SLC12A1: variants seen among roughly 807,000 people sequenced by gnomAD.
SLC12A1 encodes the protein solute carrier family 12 member 1, also known as Na-K-2Cl cotransporter.
In SLC12A1, 89 loss-of-function variants were observed where a neutral mutation model predicts 130.4. The ratio of observed to expected loss-of-function variants is 0.68; its 90% CI spans 0.58 to 0.81. The LOEUF (loss-of-function observed/expected upper bound fraction) is 0.81, where lower values mean the gene tolerates loss of function less well. Among genes scored for constraint, SLC12A1 ranks in the 40% least tolerant of loss-of-function variants. The pLI is 0.00. For synonymous variants in SLC12A1, 499 were observed against 460.0 expected (o/e 1.08, Z -1.09); for missense variants, 1,310 against 1,336.4 (o/e 0.98, Z 0.31).
intron 20 of SLC12A1, among the ~76,000 whole-genome samples, chr15:48,281,997 G>C (rs1257183230): frequency 1.3e-5 from 2 of 152,162 alleles, no homozygotes; most frequent in Non-Finnish European, 2.9e-5. Context: ...CAGAAGAACA[G>C]ATAATCAAAA....
chr15:48,289,855 C>T (rs183643885), intron 23 of SLC12A1, among the ~76,000 whole-genome samples: 5 of 152,188 alleles, frequency 3.3e-5, no homozygotes, highest in East Asian at 3.9e-4. Context: ...CCCCAGGACA[C>T]GACTACACTA....
At chr15:48,218,411 A>G (rs1003852238) in intron 2 of SLC12A1, among the ~76,000 whole-genome samples, 5 of 152,066 alleles carry the variant, frequency 3.3e-5, no homozygotes, top group African/African-American at 1.2e-4. Context: ...AAGGAGAAGA[A>G]CAGGCTAGAA....
At chr15:48,232,190 C>A (rs2041388967) in intron 7 of SLC12A1, among the ~76,000 whole-genome samples, 1 of 152,202 alleles carries the variant, frequency 6.6e-6, no homozygotes, top group African/African-American at 2.4e-5. Context: ...CACCTTGCAG[C>A]ATTGGAGGGG....
chr15:48,296,212 G>T (rs2042176420), intron 24 of SLC12A1, among the ~76,000 whole-genome samples: 1 of 152,160 alleles, frequency 6.6e-6, no homozygotes, highest in Non-Finnish European at 1.5e-5. Context: ...GTTTGTCAAT[G>T]ATTTCCATGT....
At chr15:48,216,900 C>A (rs922830152) in intron 2 of SLC12A1, among the ~76,000 whole-genome samples, 5 of 152,148 alleles carry the variant, frequency 3.3e-5, no homozygotes, top group African/African-American at 1.2e-4. Context: ...TCAAATGTTT[C>A]ATGCATCTGA....
chr15:48,256,289 T>C (rs1020298225), intron 16 of SLC12A1, among the ~76,000 whole-genome samples: 1 of 152,246 alleles, frequency 6.6e-6, no homozygotes, highest in Non-Finnish European at 1.5e-5. Flanking sequence ...GTAATCCTTT[T>C]AGCTTTTCAT....
intron 9 of SLC12A1, chr15:48,235,227 C>G (rs2041426770): frequency 1.7e-6 from 1 of 592,716 alleles, no homozygotes; most frequent in Non-Finnish European, 3.0e-6. Flanking sequence ...ATCAGAAGAA[C>G]AGGGTAGTGT....
chr15:48,263,261 T>C (rs958932146), intron 17 of SLC12A1, among the ~76,000 whole-genome samples: 3 of 152,182 alleles, frequency 2.0e-5, no homozygotes, highest in Non-Finnish European at 4.4e-5. Context: ...GACCTGGGAT[T>C]TGGAACACAA....
At position 48,226,780 on chromosome 15, in the gene SLC12A1, A is replaced by G. The variant is rs2041294377; in HGVS notation, c.724+209A>G. ...CTTTTCTAATGGATCTCTCTGGCAC[A>G]TTGTAGGTTATGCCTTACAGATGTG... is the stretch of plus-strand genomic sequence containing the variant. On this transcript the variant is annotated intron_variant, in intron 5 of 26. Transcript: ENST00000380993. 3 of 609,948 alleles carry G rather than the reference A, an allele frequency of 4.9e-6. No homozygotes were observed. The South Asian group carries it at 6.4e-5, about 13-fold the overall frequency. 37.8% of individuals were successfully genotyped at this position (609,948 alleles called of 1,614,324 possible). A position where few individuals can be genotyped will look rare whatever the true frequency, so the allele number is the denominator to read the frequency against.
At position 48,227,490 on chromosome 15, in the gene SLC12A1, G is replaced by A. The variant is rs1328112516; in HGVS notation, c.724+919G>A. On this transcript the variant is annotated intron_variant, in intron 5 of 26. Transcript: ENST00000380993. The stretch of plus-strand genomic sequence containing the variant: ...GATGAGACCCACTGGCTCTCTCGCA[G>A]GTCCTCTCAGCATGGGTCTTCTCCA... 1.4e-4 allele frequency: 48 copies of A among 347,810 alleles called. 1 individual carries two copies. The highest frequency in any genetic ancestry group is 5.4e-6 in the Non-Finnish European group (1 of 184,230). The allele number at this position is 347,810 out of a possible 1,614,324, so 21.5% of individuals were successfully genotyped here.
chr15:48,245,030 C>A, intron 11 of SLC12A1, 126 bp downstream of exon 11: 1 of 903,228 alleles, frequency 1.1e-6, no homozygotes, highest in South Asian at 1.6e-5. Context: ...TGGAATGATT[C>A]ATGTGGAAAT....
intron 2 of SLC12A1, among the ~76,000 whole-genome samples, chr15:48,219,354 A>G (rs1467445527): frequency 6.6e-6 from 1 of 152,102 alleles, no homozygotes; most frequent in Non-Finnish European, 1.5e-5. Context: ...TCAAGAGATC[A>G]GGACCATCCT....
chr15:48,239,920 G>A (rs2041483574), intron 9 of SLC12A1, among the ~76,000 whole-genome samples: 1 of 151,076 alleles, frequency 6.6e-6, no homozygotes, highest in African/African-American at 2.4e-5. Flanking sequence ...CAAAGTGCTG[G>A]GATTACAGGC....
At chr15:48,255,406 C>A (rs1170067614) in intron 15 of SLC12A1, among the ~76,000 whole-genome samples, 2 of 151,208 alleles carry the variant, frequency 1.3e-5, no homozygotes, top group Non-Finnish European at 2.9e-5. Context: ...CCACTGCACT[C>A]CAGCCTGCTG....
At chr15:48,279,073 T>C (rs758401154) in intron 20 of SLC12A1, among the ~76,000 whole-genome samples, 22 of 152,160 alleles carry the variant, frequency 1.4e-4, no homozygotes, top group Non-Finnish European at 2.4e-4. Context: ...CTATCTAGGG[T>C]AAACAAAGAA....
rs767283835 is a variant in SLC12A1, at chr15:48,230,376, A to G, written c.865-17A>G. 4 of 1,532,168 alleles carry G rather than the reference A, an allele frequency of 2.6e-6. No homozygotes were observed. Among genetic ancestry groups the G allele is most frequent in the Non-Finnish European group, 3.6e-6 (4 of 1,109,630 alleles). The allele number at this position is 1,532,168 out of a possible 1,614,324, so 94.9% of individuals were successfully genotyped here. On this transcript the variant is annotated splice_polypyrimidine_tract_variant and intron_variant, in intron 6 of 26. Transcript: ENST00000380993. ...AAAAAGCTGTATCTCTAAGCACTTA[A>G]TAATTTGTTTCCCCAGGAGAGTGAT...
chr15:48,299,913 C>T (rs1362393158), intron 25 of SLC12A1, among the ~76,000 whole-genome samples: 1 of 152,042 alleles, frequency 6.6e-6, no homozygotes, highest in Non-Finnish European at 1.5e-5. Context: ...CTGGATTGGA[C>T]GGAAATGAAA....
intron 20 of SLC12A1, 133 bp downstream of exon 20, chr15:48,274,786 C>T (rs967858878): frequency 6.9e-6 from 4 of 582,454 alleles, no homozygotes; most frequent in Non-Finnish European, 9.1e-6. Flanking sequence ...TAGTGCTACT[C>T]GTAGTGCATA....
chr15:48,274,768 T>A (rs2041933477), intron 20 of SLC12A1, 115 bp downstream of exon 20: 1 of 645,626 alleles, frequency 1.5e-6, no homozygotes, highest in East Asian at 2.8e-5. Context: ...ACAGTGGAGC[T>A]TACATTCTAG....
Sources: allele counts gnomAD v4.1 joint callset (sites outside exome capture counted in the v4.1 genomes callset), GRCh38; gene constraint gnomAD v4.1.1; transcripts MANE v1.5; gene names NCBI Gene and HGNC (gene_info 2026-07-23, HGNC 2026-07-21).